The following EPHA5 variants were observed in gnomAD, a reference collection of about 807,000 sequenced individuals.
EPHA5 encodes EPH receptor A5.
In EPHA5, 60 loss-of-function variants were observed where a neutral mutation model predicts 105.0. That is an observed-to-expected ratio of 0.57 (90% confidence interval 0.46 to 0.71). The LOEUF is 0.71. Among genes scored for constraint, EPHA5 ranks in the 30% least tolerant of loss-of-function variants. The probability of loss-of-function intolerance (pLI) is 0.00; values close to 1 mark genes in which losing one functional copy is unlikely to be tolerated. For missense variants in EPHA5, 1,218 were observed against 1,274.7 expected, an observed-to-expected ratio of 0.96 and a Z score of 0.68; for synonymous variants, 513 against 449.1, an observed-to-expected ratio of 1.14 and a Z score of -1.80.
chr4:65,414,453 C>G lies in EPHA5; in HGVS notation c.1528-10G>C, dbSNP rs2305351. ...AGCTGGTCTCTTGGTCCTTGGGATG[C>G]GCATGCATATACAATAAAAAAGACA... On this transcript the variant is annotated splice_polypyrimidine_tract_variant and intron_variant, in intron 6 of 16. Transcript: ENST00000613740. The G allele has an allele frequency of 6.2e-7, 1 of 1,612,964 alleles. No homozygotes were observed. The highest frequency in any genetic ancestry group is 8.5e-7 in the Non-Finnish European group (1 of 1,179,402).
intron 2 of EPHA5, among the ~76,000 whole-genome samples, chr4:65,611,134 GACAAAC>G (rs1744721673): frequency 6.6e-6 from 1 of 152,034 alleles, no homozygotes; most frequent in African/African-American, 2.4e-5. Context: ...GACTTCAAAT[GACAAAC>G]ACATATATGC....
intron 5 of EPHA5, among the ~76,000 whole-genome samples, chr4:65,477,717 T>C (rs1366207907): frequency 6.6e-6 from 1 of 152,092 alleles, no homozygotes; most frequent in African/African-American, 2.4e-5. Context: ...CCAGCCCACT[T>C]CATGTTCTTA....
chr4:65,417,834 C>T (rs1039005206), intron 6 of EPHA5, among the ~76,000 whole-genome samples: 1 of 151,896 alleles, frequency 6.6e-6, no homozygotes, highest in African/African-American at 2.4e-5. Context: ...GAAGCAGCAA[C>T]GTTTTTTAAA....
chr4:65,368,332 G>T (rs776887177), intron 8 of EPHA5, among the ~76,000 whole-genome samples: 25 of 151,978 alleles, frequency 1.6e-4, no homozygotes, highest in Admixed American at 4.6e-4. Context: ...ATTTTATAGG[G>T]GTATTCCACC....
intron 5 of EPHA5, among the ~76,000 whole-genome samples, chr4:65,464,330 CA>C (rs1386547580): frequency 3.3e-5 from 5 of 151,864 alleles, no homozygotes; most frequent in African/African-American, 1.2e-4. Context: ...GACGTGCCTA[CA>C]AAATTTAAAT....
At chr4:65,567,167 C>A (rs989730308) in intron 3 of EPHA5, among the ~76,000 whole-genome samples, 1 of 151,502 alleles carries the variant, frequency 6.6e-6, no homozygotes, top group Non-Finnish European at 1.5e-5. Flanking sequence ...AGACAAATTT[C>A]TTTTTATGTC....
intron 8 of EPHA5, among the ~76,000 whole-genome samples, chr4:65,399,295 C>A (rs185827962): frequency 6.6e-6 from 1 of 152,220 alleles, no homozygotes; most frequent in African/African-American, 2.4e-5. Flanking sequence ...AGGAAGCGTG[C>A]CAGGCTGTGT....
At chr4:65,613,355 G>A (rs1302837301) in intron 2 of EPHA5, among the ~76,000 whole-genome samples, 1 of 151,816 alleles carries the variant, frequency 6.6e-6, no homozygotes, top group Non-Finnish European at 1.5e-5. Flanking sequence ...TTGACAATTT[G>A]GGCTCTTTTG....
At chr4:65,598,581 A>G (rs989779047) in intron 3 of EPHA5, among the ~76,000 whole-genome samples, 2 of 152,292 alleles carry the variant, frequency 1.3e-5, no homozygotes, top group Admixed American at 1.3e-4. Flanking sequence ...TAAACAGATA[A>G]CAAGTATGCA....
intron 5 of EPHA5, among the ~76,000 whole-genome samples, chr4:65,442,403 C>A (rs1726106661): frequency 6.6e-6 from 1 of 152,156 alleles, no homozygotes; most frequent in Admixed American, 6.6e-5. Flanking sequence ...AATTGGACAG[C>A]ACATTGACCT....
intron 3 of EPHA5, among the ~76,000 whole-genome samples, chr4:65,524,203 A>G (rs1320459577): frequency 6.6e-6 from 1 of 151,820 alleles, no homozygotes; most frequent in African/African-American, 2.4e-5. Flanking sequence ...ATGTATGGGT[A>G]CAATTTTTTA....
intron 3 of EPHA5, among the ~76,000 whole-genome samples, chr4:65,582,615 G>T (rs367678464): frequency 4.0e-5 from 6 of 151,746 alleles, no homozygotes; most frequent in East Asian, 1.9e-4. Context: ...ATGAGTGAAG[G>T]TTACAGATGT....
chr4:65,639,152 C>A (rs996535997), intron 2 of EPHA5, among the ~76,000 whole-genome samples: 2 of 151,958 alleles, frequency 1.3e-5, no homozygotes, highest in African/African-American at 4.8e-5. Flanking sequence ...TTTATGTTTC[C>A]CTATGGAAAT....
At chr4:65,389,117 T>C (rs985620128) in intron 8 of EPHA5, among the ~76,000 whole-genome samples, 7 of 152,076 alleles carry the variant, frequency 4.6e-5, no homozygotes, top group African/African-American at 1.4e-4. Flanking sequence ...CTGAGGAAGA[T>C]TGGACCTCTA....
rs957869126 is a variant in EPHA5, at chr4:65,496,271, C to T, written c.911-728G>A. 5.9e-5 allele frequency among the ~76,000 whole-genome samples: 9 copies of T among 151,744 alleles called. 2 individuals carry two copies. The highest frequency in any genetic ancestry group is 5.9e-4 in the Admixed American group (9 of 15,214). On this transcript the variant is annotated intron_variant, in intron 3 of 16. Transcript: ENST00000613740. ...TACTTTAAGTTTTAGGGTACATGTG[C>T]ACAATGTGCAGGTTAGTTACATATG...
At chr4:65,598,655 G>A (rs114089353) in intron 3 of EPHA5, among the ~76,000 whole-genome samples, 2 of 152,108 alleles carry the variant, frequency 1.3e-5, no homozygotes, top group Admixed American at 6.5e-5. Context: ...AAACAGTGAC[G>A]CTTGATTTAG....
intron 14 of EPHA5, among the ~76,000 whole-genome samples, chr4:65,342,775 T>G (rs1003566332): frequency 2.6e-5 from 4 of 151,936 alleles, no homozygotes; most frequent in South Asian, 2.1e-4. Context: ...TGCTGATGTA[T>G]GTATATATGT....
intron 3 of EPHA5, among the ~76,000 whole-genome samples, chr4:65,594,738 G>T (rs910542504): frequency 1.4e-5 from 2 of 148,066 alleles, no homozygotes; most frequent in Admixed American, 7.1e-5. Flanking sequence ...TCAAACCAAT[G>T]AAACAAGTTC....
At chr4:65,331,682 G>T in intron 16 of EPHA5, 1 of 1,133,866 alleles carries the variant, frequency 8.8e-7, no homozygotes, top group Non-Finnish European at 1.1e-6. Context: ...AACTTGTCAA[G>T]AAAACATCTT....
Sources: allele counts gnomAD v4.1 joint callset (sites outside exome capture counted in the v4.1 genomes callset), GRCh38; gene constraint gnomAD v4.1.1; transcripts MANE v1.5; gene names NCBI Gene and HGNC (gene_info 2026-07-23, HGNC 2026-07-21).